The following RUNX2 variants were observed in gnomAD, a reference collection of about 807,000 sequenced individuals.
RUNX2 encodes RUNX family transcription factor 2, also known as runt-related transcription factor 2.
Under a neutral mutation model 51.7 loss-of-function variants are expected in RUNX2, and 10 were observed. The observed-to-expected ratio is 0.19, with a 90% CI of 0.12 to 0.33. The LOEUF (loss-of-function observed/expected upper bound fraction) is 0.33. Among genes scored for constraint, RUNX2 ranks in the 10% least tolerant of loss-of-function variants. The pLI is 1.00. For synonymous variants in RUNX2, 276 were observed against 273.6 expected (o/e 1.01, Z -0.09); for missense variants, 562 against 691.3 (o/e 0.81, Z 2.10).
chr6:45,378,293 A>C (rs1265398272), intron 2 of RUNX2, among the ~76,000 whole-genome samples: 2 of 152,146 alleles, frequency 1.3e-5, no homozygotes, highest in Non-Finnish European at 2.9e-5. Context: ...AGGATTTTTG[A>C]AGGATTGGGT....
chr6:45,351,100 C>A (rs759037530), intron 2 of RUNX2, among the ~76,000 whole-genome samples: 4 of 152,120 alleles, frequency 2.6e-5, no homozygotes, highest in Non-Finnish European at 5.9e-5. Flanking sequence ...CCCCACCAAC[C>A]CAGGTCTGTG....
At chr6:45,408,204 C>T (rs528572271) in intron 2 of RUNX2, among the ~76,000 whole-genome samples, 13 of 150,720 alleles carry the variant, frequency 8.6e-5, no homozygotes, top group Admixed American at 2.0e-4. Flanking sequence ...CTCGCTCTGT[C>T]GCCCAGGCTG....
At chr6:45,465,798 G>A (rs1341023373) in intron 5 of RUNX2, among the ~76,000 whole-genome samples, 1 of 150,696 alleles carries the variant, frequency 6.6e-6, no homozygotes, top group African/African-American at 2.4e-5. Context: ...ACCACGCCTG[G>A]CTAATTTTTT....
intron 6 of RUNX2, among the ~76,000 whole-genome samples, chr6:45,497,938 T>C (rs1307701986): frequency 6.6e-6 from 1 of 152,202 alleles, no homozygotes; most frequent in African/African-American, 2.4e-5. Context: ...TTACCATTTA[T>C]TAAATGCTTG....
intron 2 of RUNX2, among the ~76,000 whole-genome samples, chr6:45,420,728 C>T (rs1201160098): frequency 6.6e-6 from 1 of 152,088 alleles, no homozygotes; most frequent in African/African-American, 2.4e-5. Flanking sequence ...GTAAAACGGC[C>T]CTGTGCCCCC....
At chr6:45,348,399 G>A (rs1236775545) in intron 2 of RUNX2, among the ~76,000 whole-genome samples, 1 of 151,088 alleles carries the variant, frequency 6.6e-6, no homozygotes, top group East Asian at 1.9e-4. Flanking sequence ...AGGCACGGTG[G>A]CTCACGCCTG....
rs1376002372 is a variant in RUNX2, at chr6:45,547,673, A to G, written c.*368A>G. ...GTGGACTCCAGGTTCAGGAGGGAGA[A>G]GAGCAAAGCCGCTTCCTCTCTGTGC... On this transcript the variant is annotated 3_prime_UTR_variant, in exon 9 of 9. Coordinates refer to ENST00000647337, the MANE Select transcript of RUNX2 (RefSeq NM_001024630.4). 1 of 316,610 alleles carries G rather than the reference A, an allele frequency of 3.2e-6. No homozygotes were observed. Among genetic ancestry groups the G allele is most frequent in the Non-Finnish European group, 6.1e-6 (1 of 164,730 alleles). The allele number at this position is 316,610 out of a possible 1,614,324, so 19.6% of individuals were successfully genotyped here.
chr6:45,430,873 G>A (rs1239036110), intron 3 of RUNX2, among the ~76,000 whole-genome samples: 1 of 152,142 alleles, frequency 6.6e-6, no homozygotes, highest in Non-Finnish European at 1.5e-5. Flanking sequence ...TTGAGAGAAG[G>A]GATTGTTACC....
chr6:45,346,745 T>C (rs1220792198), intron 2 of RUNX2, among the ~76,000 whole-genome samples: 1 of 152,024 alleles, frequency 6.6e-6, no homozygotes, highest in Non-Finnish European at 1.5e-5. Flanking sequence ...TTATATTTTT[T>C]TAGTAGAGAC....
At chr6:45,381,619 G>A (rs1482917919) in intron 2 of RUNX2, among the ~76,000 whole-genome samples, 1 of 151,892 alleles carries the variant, frequency 6.6e-6, no homozygotes, top group South Asian at 2.1e-4. Flanking sequence ...GTATAGATGG[G>A]GATCTCCCTA....
intron 2 of RUNX2, among the ~76,000 whole-genome samples, chr6:45,418,273 T>G (rs934642075): frequency 6.6e-6 from 1 of 152,224 alleles, no homozygotes; most frequent in Non-Finnish European, 1.5e-5. Context: ...ATAAATAACC[T>G]GACTGCTTCA....
At chr6:45,505,896 A>G (rs559048734) in intron 6 of RUNX2, among the ~76,000 whole-genome samples, 44 of 152,312 alleles carry the variant, frequency 2.9e-4, no homozygotes, top group Non-Finnish European at 5.6e-4. Context: ...ACACAATTCC[A>G]TGCTTGTGAC....
intron 2 of RUNX2, among the ~76,000 whole-genome samples, chr6:45,393,587 C>A (rs1394250036): frequency 6.6e-6 from 1 of 151,894 alleles, no homozygotes; most frequent in African/African-American, 2.4e-5. Context: ...CCGCCACCAC[C>A]CCGGCTAATT....
In RUNX2 at chr6:45,421,645, AGG is replaced by A. The variant is rs1390959157; in HGVS notation, c.59-944_59-943del. 4.6e-5 allele frequency: 7 copies of A among 152,142 alleles called. No homozygotes were observed. The East Asian group carries it at 1.4e-3, about 29-fold the overall frequency. 9.4% of individuals were successfully genotyped at this position (152,142 alleles called of 1,614,324 possible). ...TCGGCTTCAATCTCTTCCTACAAAG[AGG>A]GGGTTCCTTGTCCTAGGGGTGGGGA... is the stretch of plus-strand genomic sequence containing the variant. On this transcript the variant is annotated intron_variant, in intron 2 of 8. Transcript: ENST00000647337.
chr6:45,372,042 T>C (rs909576700), intron 2 of RUNX2: 45 of 967,344 alleles, frequency 4.7e-5, no homozygotes, highest in Admixed American at 6.2e-5. Flanking sequence ...AAGTTTATCA[T>C]AACTAACCCA....
intron 5 of RUNX2, among the ~76,000 whole-genome samples, chr6:45,480,042 A>C (rs1800065170): frequency 6.6e-6 from 1 of 152,226 alleles, no homozygotes; most frequent in Non-Finnish European, 1.5e-5. Context: ...TAGAGTTTTC[A>C]GTTCCTTATT....
At position 45,407,824 on chromosome 6, in the gene RUNX2, T is replaced by A. The variant is rs1582079944; in HGVS notation, c.59-14769T>A. 3.3e-5 allele frequency among the ~76,000 whole-genome samples: 5 copies of A among 150,872 alleles called. No individual in the cohort carries two copies. In the East Asian group the frequency reaches 9.7e-4, roughly 29 times the overall value. On this transcript the variant is annotated intron_variant, in intron 2 of 8. Transcript: ENST00000647337. Reference sequence around the variant, plus strand: ...CCAAAATAATATTTTAATGGTGTATTTTTTTTTTGCTTTAGAGTCTCAATT... The same window carrying A: ...CCAAAATAATATTTTAATGGTGTATATTTTTTTTGCTTTAGAGTCTCAATT...
In RUNX2 at chr6:45,422,752, C is replaced by A. The variant is rs1374009579; in HGVS notation, c.218C>A (p.Ala73Glu). ...CAACAGCAGCAGCAGCAGCAGGAGG[C>A]GGCGGCGGCGGCTGCGGCGGCGGCG... ...QQQQQQQQQE[A>E]AAAAAAAAAA... is the part of the protein sequence containing the mutation. Residue 73 changes from alanine to glutamate, a missense_variant, in exon 3 of 9, where the codon GCG becomes GAG. Ala to Glu is a moderately radical substitution (Grantham distance 107, BLOSUM62 -1). This residue lies in a region of RUNX2 where 153 missense variants were observed against 144.8 expected (regional missense o/e 1.06). Transcript: ENST00000647337. The A allele has an allele frequency of 6.0e-6, 8 of 1,323,510 alleles. No homozygotes were observed. Among genetic ancestry groups the A allele is most frequent in the East Asian group, 5.7e-5 (2 of 34,890 alleles). The allele number at this position is 1,323,510 out of a possible 1,614,324, so 82.0% of individuals were successfully genotyped here. A position where few individuals can be genotyped will look rare whatever the true frequency, so the allele number is the denominator to read the frequency against.
intron 3 of RUNX2, among the ~76,000 whole-genome samples, chr6:45,429,760 C>T (rs575942183): frequency 1.3e-5 from 2 of 152,064 alleles, no homozygotes; most frequent in Admixed American, 1.3e-4. Context: ...TCTGTCTCTG[C>T]GAAGTGGGGC....
Sources: gnomAD v4.1 joint callset for allele counts (sites outside exome capture counted in the v4.1 genomes callset) on GRCh38, gnomAD v4.1.1 for gene constraint, gnomAD v4.1.1 regional missense constraint, MANE v1.5 for transcripts, NCBI Gene and HGNC (gene_info 2026-07-23, HGNC 2026-07-21) for gene names.